The following GHR variants were observed in gnomAD, a reference collection of about 807,000 sequenced individuals.
The protein encoded by GHR is GH receptor.
Under a neutral mutation model 67.1 loss-of-function variants are expected in GHR, and 35 were observed. The ratio of observed to expected loss-of-function variants is 0.52; its 90% confidence interval spans 0.40 to 0.69. The LOEUF is 0.69. GHR is among the 30% of genes least tolerant of loss of function. GHR has a pLI of 0.00. For missense variants in GHR, 792 were observed against 764.6 expected, an observed-to-expected ratio of 1.04 and a Z score of -0.42; for synonymous variants, 272 against 269.1, an observed-to-expected ratio of 1.01 and a Z score of -0.10.
In GHR at chr5:42,447,392, A is replaced by G. The variant is rs561345325; in HGVS notation, c.-12+23437A>G. 8.1e-4 allele frequency among the ~76,000 whole-genome samples: 123 copies of G among 152,146 alleles called. 1 individual carries two copies. The highest frequency in any genetic ancestry group is 1.3e-3 in the Non-Finnish European group (91 of 67,990). On this transcript the variant is annotated intron_variant, in intron 1 of 9. Transcript: ENST00000230882. ...TCCCACTTACAAGTGAGAACATACA[A>G]TATTTGGTTTTCCATTCCTGAGTTA... is the stretch of plus-strand genomic sequence containing the variant.
chr5:42,607,970 T>C (rs1428095800), intron 2 of GHR, among the ~76,000 whole-genome samples: 1 of 152,228 alleles, frequency 6.6e-6, no homozygotes, highest in Non-Finnish European at 1.5e-5. Flanking sequence ...TTACCTGTTT[T>C]GTCAGTTATG....
intron 1 of GHR, among the ~76,000 whole-genome samples, chr5:42,522,475 A>G (rs1489644533): frequency 6.6e-6 from 1 of 152,184 alleles, no homozygotes; most frequent in Non-Finnish European, 1.5e-5. Context: ...TCTCTCCTCA[A>G]TATCAGCTAC....
intron 1 of GHR, among the ~76,000 whole-genome samples, chr5:42,528,599 G>A (rs1747813936): frequency 6.6e-6 from 1 of 152,180 alleles, no homozygotes; most frequent in African/African-American, 2.4e-5. Context: ...AATGGCAAAA[G>A]ATTTAGAATA....
chr5:42,438,435 C>T (rs1310424697), intron 1 of GHR, among the ~76,000 whole-genome samples: 2 of 152,160 alleles, frequency 1.3e-5, no homozygotes, highest in Non-Finnish European at 2.9e-5. Context: ...GGGCCAAACT[C>T]AGGTGACTCA....
intron 2 of GHR, among the ~76,000 whole-genome samples, chr5:42,627,092 A>G (rs1429443786): frequency 6.6e-6 from 1 of 152,122 alleles, no homozygotes; most frequent in Non-Finnish European, 1.5e-5. Context: ...TGAATTATGG[A>G]CCATCTCACA....
At chr5:42,429,428 A>ATG (rs1353633143) in intron 1 of GHR, among the ~76,000 whole-genome samples, 3 of 152,200 alleles carry the variant, frequency 2.0e-5, no homozygotes, top group Non-Finnish European at 2.9e-5. Context: ...GTCCCTCCTA[A>ATG]TGTGTGTTTT....
At chr5:42,580,035 C>T (rs952527831) in intron 2 of GHR, among the ~76,000 whole-genome samples, 28 of 151,770 alleles carry the variant, frequency 1.8e-4, no homozygotes, top group African/African-American at 6.8e-4. Flanking sequence ...TTATGAGAAA[C>T]AAACATACCA....
intron 1 of GHR, among the ~76,000 whole-genome samples, chr5:42,461,761 G>A (rs904957148): frequency 1.3e-5 from 2 of 152,150 alleles, no homozygotes; most frequent in African/African-American, 4.8e-5. Context: ...AGTATTTATG[G>A]AAGGGGACAT....
chr5:42,695,948 T>C (rs1319963172), intron 5 of GHR, among the ~76,000 whole-genome samples: 1 of 152,154 alleles, frequency 6.6e-6, no homozygotes, highest in Non-Finnish European at 1.5e-5. Context: ...AACTTACAGA[T>C]AGAAACAAAT....
intron 1 of GHR, among the ~76,000 whole-genome samples, chr5:42,469,181 T>C (rs1433731439): frequency 6.6e-6 from 1 of 152,218 alleles, no homozygotes; most frequent in Non-Finnish European, 1.5e-5. Flanking sequence ...TATTTACTGC[T>C]AACAAACTGC....
At chr5:42,651,030 C>T (rs1031936962) in intron 3 of GHR, among the ~76,000 whole-genome samples, 25 of 152,024 alleles carry the variant, frequency 1.6e-4, no homozygotes, top group African/African-American at 4.8e-4. Context: ...ATAATGGTAA[C>T]GGGATTTGCC....
At chr5:42,600,061 C>T (rs1372921870) in intron 2 of GHR, among the ~76,000 whole-genome samples, 1 of 152,178 alleles carries the variant, frequency 6.6e-6, no homozygotes, top group Non-Finnish European at 1.5e-5. Flanking sequence ...AGACATCACT[C>T]TTTTAGTTAT....
intron 4 of GHR, among the ~76,000 whole-genome samples, chr5:42,692,074 G>C (rs545106453): frequency 6.6e-6 from 1 of 152,132 alleles, no homozygotes; most frequent in Non-Finnish European, 1.5e-5. Context: ...CTGGTCTTAA[G>C]AGAAATTTCA....
Position 42,456,240 on chromosome 5 carries a change from G to T in GHR, c.-12+32285G>T, listed in dbSNP as rs372787085. Among the ~76,000 whole-genome samples the T allele has an allele frequency of 3.3e-4, 50 of 152,340 alleles. 2 individuals carry two copies. The highest frequency in any genetic ancestry group is 1.2e-3 in the African/African-American group (48 of 41,578). The stretch of plus-strand genomic sequence containing the variant: ...GCAGGAGAATCGCTTGAACCTGGGA[G>T]GCGGAGGTGGCAGTGAGCCGAGATC... On this transcript the variant is annotated intron_variant, in intron 1 of 9. Coordinates refer to ENST00000230882, the MANE Select transcript of GHR (RefSeq NM_000163.5).
At chr5:42,545,656 G>T (rs1437119171) in intron 1 of GHR, among the ~76,000 whole-genome samples, 1 of 152,144 alleles carries the variant, frequency 6.6e-6, no homozygotes, top group African/African-American at 2.4e-5. Context: ...GTTTGAAGTG[G>T]AAATCTTCAT....
chr5:42,630,235 C>T (rs1307538918), intron 3 of GHR, among the ~76,000 whole-genome samples: 3 of 132,352 alleles, frequency 2.3e-5, no homozygotes, highest in Non-Finnish European at 3.2e-5. Context: ...CTTTATGCTT[C>T]TTCTAAATCC....
At chr5:42,573,960 T>C (rs1450125145) in intron 2 of GHR, among the ~76,000 whole-genome samples, 1 of 152,204 alleles carries the variant, frequency 6.6e-6, no homozygotes, top group Non-Finnish European at 1.5e-5. Flanking sequence ...TTCACCTTAG[T>C]GGGCACTGAC....
chr5:42,612,074 C>T (rs1211785580), intron 2 of GHR, among the ~76,000 whole-genome samples: 2 of 152,128 alleles, frequency 1.3e-5, no homozygotes, highest in Non-Finnish European at 2.9e-5. Flanking sequence ...TAATATTTAT[C>T]TCTGTATCTG....
chr5:42,486,846 CAAAAA>C (rs367995012), intron 1 of GHR, among the ~76,000 whole-genome samples: 5 of 58,112 alleles, frequency 8.6e-5, no homozygotes, highest in Admixed American at 1.9e-4. Context: ...GACTCCGTCT[CAAAAA>C]AAAAAAAAAA....
Sources: allele counts gnomAD v4.1 joint callset (sites outside exome capture counted in the v4.1 genomes callset), GRCh38; gene constraint gnomAD v4.1.1; transcripts MANE v1.5; gene names NCBI Gene and HGNC (gene_info 2026-07-23, HGNC 2026-07-21).